Variants in KCNIP4 observed in about 807,000 individuals in gnomAD.
KCNIP4 encodes Kv channel-interacting protein 4.
In KCNIP4, 12 loss-of-function variants were observed where a neutral mutation model predicts 34.0. That is an observed-to-expected ratio of 0.35 (90% confidence interval 0.23 to 0.57). The LOEUF is 0.57. Ranked by LOEUF, KCNIP4 falls within the 20% of genes least tolerant of loss-of-function variation. The pLI is 0.83. For synonymous variants in KCNIP4, 124 were observed against 102.2 expected, an observed-to-expected ratio of 1.21 and a Z score of -1.29; for missense variants, 238 against 311.7, an observed-to-expected ratio of 0.76 and a Z score of 1.78.
chr4:20,882,157 G>A (rs771238858), intron 2 of KCNIP4, among the ~76,000 whole-genome samples: 30 of 152,282 alleles, frequency 2.0e-4, no homozygotes, highest in Middle Eastern at 3.4e-3. Context: ...GAAAAGTCAC[G>A]TTTATTTAAA....
In KCNIP4 at chr4:21,071,178, C is replaced by T. The variant is rs534589071; in HGVS notation, c.62-188469G>A. ...GTCTAAGAACTCACAAGTCCCAGGT[C>T]CTGAAGATTTTCTCCCATGTGACCT... On this transcript the variant is annotated intron_variant, in intron 1 of 8. Transcript: ENST00000382152. Among the ~76,000 whole-genome samples, 17 of 152,002 alleles carry T rather than the reference C, an allele frequency of 1.1e-4. 1 individual carries two copies. Among genetic ancestry groups the T allele is most frequent in the Admixed American group, 1.0e-3 (16 of 15,246 alleles).
At chr4:21,428,686 A>G (rs888407712) in intron 1 of KCNIP4, among the ~76,000 whole-genome samples, 1 of 152,160 alleles carries the variant, frequency 6.6e-6, no homozygotes, top group African/African-American at 2.4e-5. Flanking sequence ...AGGAAAGATG[A>G]TATCCTGTGA....
chr4:21,404,233 C>A (rs1245672424), intron 1 of KCNIP4, among the ~76,000 whole-genome samples: 2 of 152,228 alleles, frequency 1.3e-5, no homozygotes, highest in Non-Finnish European at 2.9e-5. Context: ...TCTCACCCAC[C>A]AGCTTCATTT....
intron 3 of KCNIP4, chr4:20,850,260 T>A (rs1024538957): frequency 4.6e-6 from 1 of 219,704 alleles, no homozygotes; most frequent in South Asian, 1.3e-4. Flanking sequence ...TGAAATTATG[T>A]CATTATAGTT....
chr4:21,722,176 A>G (rs567499026), intron 1 of KCNIP4, among the ~76,000 whole-genome samples: 1 of 152,264 alleles, frequency 6.6e-6, no homozygotes, highest in Admixed American at 6.5e-5. Context: ...CATTTATTCA[A>G]TCTACTGCTA....
At chr4:21,380,710 A>G (rs1156728641) in intron 1 of KCNIP4, among the ~76,000 whole-genome samples, 2 of 152,086 alleles carry the variant, frequency 1.3e-5, no homozygotes, top group Non-Finnish European at 2.9e-5. Flanking sequence ...TTTTGGCTAT[A>G]GATTAACTAC....
chr4:20,911,891 T>G (rs575424574), intron 1 of KCNIP4, among the ~76,000 whole-genome samples: 1 of 152,350 alleles, frequency 6.6e-6, no homozygotes, highest in Non-Finnish European at 1.5e-5. Context: ...GAGGAATTTT[T>G]GCCTTCAAAT....
At chr4:21,047,367 T>C (rs1449038508) in intron 1 of KCNIP4, among the ~76,000 whole-genome samples, 2 of 152,204 alleles carry the variant, frequency 1.3e-5, no homozygotes, top group Admixed American at 1.3e-4. Flanking sequence ...ATGTCTTCAA[T>C]ATGGCTTATA....
At chr4:21,351,697 A>G (rs1054820211) in intron 1 of KCNIP4, among the ~76,000 whole-genome samples, 2 of 152,170 alleles carry the variant, frequency 1.3e-5, no homozygotes, top group Non-Finnish European at 2.9e-5. Context: ...TGTCCTTATA[A>G]GAAAAGGAAA....
intron 1 of KCNIP4, among the ~76,000 whole-genome samples, chr4:21,493,318 T>C (rs1357081400): frequency 1.3e-5 from 2 of 152,068 alleles, no homozygotes; most frequent in Non-Finnish European, 2.9e-5. Context: ...GTGTTGTGAT[T>C]ATCTTTTAAG....
intron 1 of KCNIP4, among the ~76,000 whole-genome samples, chr4:21,187,834 CTT>C (rs1319145146): frequency 3.3e-5 from 5 of 152,162 alleles, no homozygotes; most frequent in Non-Finnish European, 7.3e-5. Context: ...ACAAAATAAC[CTT>C]CCAGGCTGGC....
At chr4:20,829,711 C>T (rs886737398) in intron 3 of KCNIP4, among the ~76,000 whole-genome samples, 8 of 152,126 alleles carry the variant, frequency 5.3e-5, no homozygotes, top group African/African-American at 1.9e-4. Context: ...TGAACCACTG[C>T]GATAAGTTTG....
chr4:21,128,164 C>T (rs576936086), intron 1 of KCNIP4, among the ~76,000 whole-genome samples: 1 of 152,050 alleles, frequency 6.6e-6, no homozygotes, highest in Non-Finnish European at 1.5e-5. Context: ...CAAGGAGAAA[C>T]CAGAACAGCT....
chr4:20,794,083 G>A (rs375814074), intron 3 of KCNIP4, among the ~76,000 whole-genome samples: 4 of 152,160 alleles, frequency 2.6e-5, no homozygotes, highest in Non-Finnish European at 4.4e-5. Context: ...CATGTAAGAC[G>A]TAACTTGCTC....
At chr4:21,895,123 T>C (rs1212568167) in intron 1 of KCNIP4, among the ~76,000 whole-genome samples, 1 of 152,224 alleles carries the variant, frequency 6.6e-6, no homozygotes. Context: ...GTGGGACATC[T>C]TTGATATAGA....
chr4:21,383,556 C>G (rs761208186), intron 1 of KCNIP4, among the ~76,000 whole-genome samples: 8 of 150,046 alleles, frequency 5.3e-5, no homozygotes, highest in Non-Finnish European at 1.0e-4. Flanking sequence ...CATGCAATTA[C>G]TCATGCAAAA....
chr4:21,907,681 C>G (rs140619759), intron 1 of KCNIP4, among the ~76,000 whole-genome samples: 1 of 152,214 alleles, frequency 6.6e-6, no homozygotes, highest in Non-Finnish European at 1.5e-5. Flanking sequence ...TTTCTGTGTT[C>G]CTGTTTCCCC....
At chr4:21,624,563 C>T (rs913559866) in intron 1 of KCNIP4, among the ~76,000 whole-genome samples, 3 of 151,994 alleles carry the variant, frequency 2.0e-5, no homozygotes, top group African/African-American at 7.2e-5. Context: ...ATCATCTGGC[C>T]TGACTAAAAA....
At chr4:21,615,447 G>T (rs1280706518) in intron 1 of KCNIP4, among the ~76,000 whole-genome samples, 1 of 151,918 alleles carries the variant, frequency 6.6e-6, no homozygotes, top group African/African-American at 2.4e-5. Context: ...TCAGGAGGCT[G>T]AGGCAGGAGA....
Sources: allele counts gnomAD v4.1 joint callset (sites outside exome capture counted in the v4.1 genomes callset), GRCh38; gene constraint gnomAD v4.1.1; transcripts MANE v1.5; gene names NCBI Gene and HGNC (gene_info 2026-07-23, HGNC 2026-07-21).